SLC39A11: variants seen among roughly 807,000 people sequenced by gnomAD.
SLC39A11 encodes the protein solute carrier family 39 member 11, also known as zinc transporter ZIP11.
Under a neutral mutation model 36.1 loss-of-function variants are expected in SLC39A11, and 33 were observed. The ratio of observed to expected loss-of-function variants is 0.91; its 90% CI spans 0.69 to 1.22. The LOEUF (loss-of-function observed/expected upper bound fraction) is 1.22. SLC39A11 is among the 50% of genes most tolerant of loss of function. The probability of loss-of-function intolerance (pLI) is 0.00; values close to 1 mark genes in which losing one functional copy is unlikely to be tolerated. For synonymous variants in SLC39A11, 166 were observed against 170.3 expected, an observed-to-expected ratio of 0.97 and a Z score of 0.20; for missense variants, 432 against 430.3, an observed-to-expected ratio of 1.00 and a Z score of -0.03.
chr17:73,025,547 C>G (rs1344146112), intron 4 of SLC39A11, among the ~76,000 whole-genome samples: 2 of 152,030 alleles, frequency 1.3e-5, no homozygotes, highest in South Asian at 4.2e-4. Flanking sequence ...CAGAATGTTA[C>G]GTAGGTATTA....
intron 6 of SLC39A11, among the ~76,000 whole-genome samples, chr17:72,833,502 T>G (rs912940193): frequency 6.6e-6 from 1 of 152,218 alleles, no homozygotes; most frequent in African/African-American, 2.4e-5. Flanking sequence ...AAAAGTTTTA[T>G]CTAGAGGCAT....
At chr17:72,998,793 G>A (rs548232608) in intron 4 of SLC39A11, among the ~76,000 whole-genome samples, 8 of 152,272 alleles carry the variant, frequency 5.3e-5, no homozygotes, top group South Asian at 4.1e-4. Context: ...GGGGGTCCCC[G>A]CTGAAATGAC....
intron 6 of SLC39A11, among the ~76,000 whole-genome samples, chr17:72,830,738 C>T (rs562941596): frequency 3.3e-5 from 5 of 152,272 alleles, no homozygotes; most frequent in East Asian, 1.9e-4. Flanking sequence ...TGGGAAGGTA[C>T]GTGGCCCCAA....
chr17:73,078,907 T>G (rs1307562114), intron 3 of SLC39A11, among the ~76,000 whole-genome samples: 1 of 151,868 alleles, frequency 6.6e-6, no homozygotes, highest in African/African-American at 2.4e-5. Context: ...TATGTTTCTT[T>G]GTTTGATGCA....
intron 5 of SLC39A11, among the ~76,000 whole-genome samples, chr17:72,873,622 AGAATATGT>A (rs985075716): frequency 6.6e-6 from 1 of 152,182 alleles, no homozygotes. Flanking sequence ...GAGGCAAAGG[AGAATATGT>A]GAACACGTGC....
chr17:72,767,766 C>T (rs546645099), intron 6 of SLC39A11, among the ~76,000 whole-genome samples: 10 of 152,304 alleles, frequency 6.6e-5, no homozygotes, highest in Admixed American at 2.6e-4. Context: ...GCAGATGAAA[C>T]GACATTGCCC....
chr17:72,722,942 T>C (rs2073761296), intron 7 of SLC39A11, among the ~76,000 whole-genome samples: 1 of 152,142 alleles, frequency 6.6e-6, no homozygotes, highest in Non-Finnish European at 1.5e-5. Context: ...GGCTGCACTT[T>C]CTAGAAGGGT....
Position 72,751,739 on chromosome 17 carries a change from G to A in SLC39A11, c.602-15020C>T, listed in dbSNP as rs138881621. Among the ~76,000 whole-genome samples, 332 of 152,218 alleles carry A rather than the reference G, an allele frequency of 2.2e-3. 1 individual carries two copies. The highest frequency in any genetic ancestry group is 6.8e-3 in the African/African-American group (282 of 41,524). ...AGTACAGCCATGCATCACTATGCCC[G>A]GCTAATTTTGTAATTTTGGTAGAGA... On this transcript the variant is annotated intron_variant, in intron 6 of 9. Transcript: ENST00000255559.
At chr17:72,967,395 A>AGTGTGT (rs1294868080) in intron 4 of SLC39A11, among the ~76,000 whole-genome samples, 2 of 143,956 alleles carry the variant, frequency 1.4e-5, no homozygotes, top group African/African-American at 5.7e-5. Flanking sequence ...AGAGAGAGAG[A>AGTGTGT]GAGAGTGTGT....
intron 3 of SLC39A11, among the ~76,000 whole-genome samples, chr17:73,074,111 TATTGAGAAATATTAATA>T (rs926745186): frequency 6.6e-6 from 1 of 151,912 alleles, no homozygotes. Flanking sequence ...AGGATTTAAT[TATTGAGAAATATTAATA>T]ATTGAGAAAT....
intron 5 of SLC39A11, among the ~76,000 whole-genome samples, chr17:72,895,154 T>C (rs2081967020): frequency 6.6e-6 from 1 of 152,098 alleles, no homozygotes; most frequent in Non-Finnish European, 1.5e-5. Flanking sequence ...AGGTGGGATG[T>C]GACAGAACAG....
intron 6 of SLC39A11, among the ~76,000 whole-genome samples, chr17:72,755,251 A>C (rs1229550233): frequency 6.6e-6 from 1 of 152,272 alleles, no homozygotes; most frequent in Non-Finnish European, 1.5e-5. Context: ...AACCTTTGCA[A>C]GTAAAGTGCT....
intron 4 of SLC39A11, among the ~76,000 whole-genome samples, chr17:73,006,151 A>C (rs2090168560): frequency 6.6e-6 from 1 of 152,152 alleles, no homozygotes; most frequent in Admixed American, 6.5e-5. Context: ...CAACACATGG[A>C]TAAGGGTGGC....
intron 4 of SLC39A11, among the ~76,000 whole-genome samples, chr17:73,025,265 T>C (rs1352050990): frequency 6.6e-6 from 1 of 152,098 alleles, no homozygotes; most frequent in Non-Finnish European, 1.5e-5. Flanking sequence ...CAGGCACCTG[T>C]TACCTACTTG....
intron 5 of SLC39A11, among the ~76,000 whole-genome samples, chr17:72,856,183 A>G (rs1285796021): frequency 2.6e-5 from 4 of 152,216 alleles, no homozygotes; most frequent in African/African-American, 4.8e-5. Context: ...TCACTTACCC[A>G]TGAACAGAGT....
At position 72,849,920 on chromosome 17, in the gene SLC39A11, G is replaced by T. The variant is rs2079226872; in HGVS notation, c.431-116C>A. ...GCTTCTTTTTCTTTTTTGAGACAGGGTCTTACTCTGTCACCCAGCCTGGAG... is the reference window on the plus strand; with the variant it reads ...GCTTCTTTTTCTTTTTTGAGACAGGTTCTTACTCTGTCACCCAGCCTGGAG... On this transcript the variant is annotated intron_variant, in intron 5 of 9. Transcript: ENST00000255559. 6.0e-6 allele frequency: 6 copies of T among 1,005,680 alleles called. No homozygotes were observed. In the South Asian group the frequency reaches 8.4e-5, roughly 14 times the overall value. 62.3% of individuals were successfully genotyped at this position (1,005,680 alleles called of 1,614,324 possible). A position where few individuals can be genotyped will look rare whatever the true frequency, so the allele number is the denominator to read the frequency against.
At chr17:72,939,784 G>T (rs2084982676) in intron 5 of SLC39A11, among the ~76,000 whole-genome samples, 1 of 152,148 alleles carries the variant, frequency 6.6e-6, no homozygotes, top group Admixed American at 6.5e-5. Flanking sequence ...AAAACTGTAA[G>T]GGAATACGTT....
chr17:72,798,877 G>A (rs751917904), intron 6 of SLC39A11, among the ~76,000 whole-genome samples: 5 of 152,050 alleles, frequency 3.3e-5, no homozygotes, highest in Non-Finnish European at 7.3e-5. Context: ...GCTGGGGGAG[G>A]AAAATCATGA....
At chr17:73,000,898 G>C (rs2089782634) in intron 4 of SLC39A11, among the ~76,000 whole-genome samples, 1 of 152,218 alleles carries the variant, frequency 6.6e-6, no homozygotes, top group Non-Finnish European at 1.5e-5. Context: ...CTTGAAAAGG[G>C]ACACGTTCCT....
Sources: gnomAD v4.1 joint callset for allele counts (sites outside exome capture counted in the v4.1 genomes callset) on GRCh38, gnomAD v4.1.1 for gene constraint, MANE v1.5 for transcripts, NCBI Gene and HGNC (gene_info 2026-07-23, HGNC 2026-07-21) for gene names.